DAPK1: variants seen among roughly 807,000 people sequenced by gnomAD.
DAPK1 encodes death associated protein kinase 1, also known as death-associated protein kinase 1.
Under a neutral mutation model 144.9 loss-of-function variants are expected in DAPK1, and 56 were observed. The observed-to-expected ratio is 0.39, with a 90% CI of 0.31 to 0.48. The LOEUF is 0.48. DAPK1 is among the 20% of genes least tolerant of loss of function. The pLI is 0.95. For missense variants in DAPK1, 1,454 were observed against 1,875.4 expected, an observed-to-expected ratio of 0.78 and a Z score of 4.15; for synonymous variants, 690 against 749.0, an observed-to-expected ratio of 0.92 and a Z score of 1.29.
intron 21 of DAPK1, among the ~76,000 whole-genome samples, chr9:87,689,075 C>T (rs1461771219): frequency 6.6e-6 from 1 of 152,078 alleles, no homozygotes; most frequent in African/African-American, 2.4e-5. Context: ...TGAGGTTTTA[C>T]ATTTACAGCT....
intron 3 of DAPK1, chr9:87,633,453 A>G (rs574053667): frequency 5.4e-6 from 5 of 919,084 alleles, no homozygotes; most frequent in South Asian, 1.0e-4. Flanking sequence ...TCTAATGTCT[A>G]ACTGAAGGAC....
chr9:87,615,924 G>A (rs570586440), intron 3 of DAPK1, among the ~76,000 whole-genome samples: 8 of 152,366 alleles, frequency 5.3e-5, no homozygotes, highest in Admixed American at 4.6e-4. Flanking sequence ...ATTCTGCTAA[G>A]CCACTGTAGG....
chr9:87,658,688 G>T (rs1223503685), intron 18 of DAPK1, among the ~76,000 whole-genome samples: 1 of 152,246 alleles, frequency 6.6e-6, no homozygotes, highest in Non-Finnish European at 1.5e-5. Context: ...CCTCCCTGCT[G>T]AGGAAACCCT....
chr9:87,534,261 T>TTG (rs758359418), intron 2 of DAPK1, among the ~76,000 whole-genome samples: 27 of 150,796 alleles, frequency 1.8e-4, no homozygotes, highest in Non-Finnish European at 3.7e-4. Flanking sequence ...TTTTTTTGTT[T>TTG]TTTTTTTTAA....
chr9:87,691,162 T>C (rs540544224), intron 21 of DAPK1, among the ~76,000 whole-genome samples: 209 of 152,080 alleles, frequency 1.4e-3, no homozygotes, highest in Non-Finnish European at 2.6e-3. Context: ...TTAATACCAG[T>C]TCAATCTCAT....
intron 19 of DAPK1, among the ~76,000 whole-genome samples, chr9:87,674,268 G>A (rs1824279069): frequency 6.6e-6 from 1 of 152,110 alleles, no homozygotes. Flanking sequence ...GGAGGCTGAG[G>A]CAGGCAGATC....
chr9:87,702,408 G>A (rs538180270), intron 24 of DAPK1, among the ~76,000 whole-genome samples: 2 of 152,254 alleles, frequency 1.3e-5, no homozygotes, highest in East Asian at 3.9e-4. Context: ...CAGTCCCCAC[G>A]AATGCCTAAT....
Position 87,681,425 on chromosome 9 carries a change from A to G in DAPK1, c.2023A>G (p.Ile675Val), listed in dbSNP as rs994479071. ...LRKDTHRGLFIQQLRPTQNLQ... is the reference protein window; with the variant it reads ...LRKDTHRGLFVQQLRPTQNLQ... ...TCAGGATACGCACCGAGGACTCTTC[A>G]TCCAGCAGCTCCGACCCACACAGAA... is the stretch of plus-strand genomic sequence containing the variant. Residue 675 changes from isoleucine (I) to valine (V), a missense_variant, in exon 20 of 26, where the codon ATC becomes GTC. Coordinates refer to ENST00000408954, the MANE Select transcript of DAPK1 (RefSeq NM_004938.4). 3.7e-6 allele frequency: 6 copies of G among 1,610,878 alleles called. No homozygotes were observed. Among genetic ancestry groups the G allele is most frequent in the Middle Eastern group, 1.7e-4 (1 of 6,048 alleles).
intron 3 of DAPK1, among the ~76,000 whole-genome samples, chr9:87,610,829 G>GA (rs1828895774): frequency 6.6e-6 from 1 of 152,192 alleles, no homozygotes; most frequent in South Asian, 2.1e-4. Flanking sequence ...GTTTTTTCAG[G>GA]AAAAGTCTGT....
chr9:87,599,325 A>G (rs1188574964), intron 2 of DAPK1, among the ~76,000 whole-genome samples: 1 of 152,250 alleles, frequency 6.6e-6, no homozygotes, highest in Non-Finnish European at 1.5e-5. Context: ...GTGATTATTA[A>G]TAAAGAAATA....
intron 2 of DAPK1, among the ~76,000 whole-genome samples, chr9:87,575,235 AT>A (rs1827501231): frequency 1.3e-5 from 1 of 76,794 alleles, no homozygotes; most frequent in Admixed American, 1.6e-4. Flanking sequence ...ATAAAATAAA[AT>A]AAAATAAAAT....
At chr9:87,610,721 G>A (rs748818314) in intron 3 of DAPK1, among the ~76,000 whole-genome samples, 1 of 152,200 alleles carries the variant, frequency 6.6e-6, no homozygotes, top group Non-Finnish European at 1.5e-5. Flanking sequence ...GGAGACTGTG[G>A]CCCACTGGAG....
In DAPK1 at chr9:87,668,615, G is replaced by T. The variant is rs1831141327; in HGVS notation, c.1942G>T (p.Asp648Tyr). 1 of 1,456,932 alleles carries T rather than the reference G, an allele frequency of 6.9e-7. No individual in the cohort carries two copies. The highest frequency in any genetic ancestry group is 1.7e-5 in the Admixed American group (1 of 59,806). The allele number at this position is 1,456,932 out of a possible 1,614,324, so 90.3% of individuals were successfully genotyped here. A position where few individuals can be genotyped will look rare whatever the true frequency, so the allele number is the denominator to read the frequency against. ...ALTTDGKTAE[D>Y]LARSEQHEHV... is the part of the protein sequence containing the mutation. ...CCAACAGGACGGAAAGACGGCAGAA[G>T]ATCTTGCTAGATCGGAACAGCACGA... The change falls in exon 19 of 26, where the codon GAT (aspartate) becomes TAT (tyrosine). Residue 648 changes from aspartate to tyrosine, a missense_variant. Around this residue, in one of 2 missense-constraint regions of DAPK1, gnomAD observed 1,025 missense variants for 1,237.9 expected, o/e 0.83. Coordinates refer to ENST00000408954, the MANE Select transcript of DAPK1 (RefSeq NM_004938.4).
intron 7 of DAPK1, 56 bp from the exon 8 acceptor site, chr9:87,640,242 A>G (rs2119133048): frequency 3.9e-6 from 6 of 1,541,842 alleles, no homozygotes; most frequent in Non-Finnish European, 5.3e-6. Flanking sequence ...TAGGAGCAAA[A>G]TGACAACACC....
intron 2 of DAPK1, among the ~76,000 whole-genome samples, chr9:87,598,970 T>A (rs1014223963): frequency 6.6e-6 from 1 of 152,196 alleles, no homozygotes; most frequent in African/African-American, 2.4e-5. Flanking sequence ...TTAGAACACC[T>A]TGTGAGTCTT....
chr9:87,516,958 C>T (rs544798155), intron 2 of DAPK1, among the ~76,000 whole-genome samples: 1 of 152,234 alleles, frequency 6.6e-6, no homozygotes, highest in South Asian at 2.1e-4. Flanking sequence ...TGTACCATGC[C>T]TAGGGCTGCA....
chr9:87,518,099 GTTGTTGTTTT>G (rs67208903), intron 2 of DAPK1, among the ~76,000 whole-genome samples: 67,090 of 125,494 alleles, frequency 0.53, 18,385 homozygotes, highest in South Asian at 0.74. Context: ...TGCCGTTTAT[GTTGTTGTTTT>G]TTTTTTTTTT....
At chr9:87,657,785 C>T in intron 17 of DAPK1, 1 of 506,888 alleles carries the variant, frequency 2.0e-6, no homozygotes, top group South Asian at 2.1e-5. Context: ...GCCAGCACAG[C>T]AGGAAACTTA....
intron 3 of DAPK1, among the ~76,000 whole-genome samples, chr9:87,619,148 C>G (rs551470434): frequency 6.6e-6 from 1 of 152,284 alleles, no homozygotes; most frequent in African/African-American, 2.4e-5. Flanking sequence ...CATCAAAACC[C>G]AGCTCACATG....
Sources: gnomAD v4.1 joint callset for allele counts (sites outside exome capture counted in the v4.1 genomes callset) on GRCh38, gnomAD v4.1.1 for gene constraint, gnomAD v4.1.1 regional missense constraint, MANE v1.5 for transcripts, NCBI Gene and HGNC (gene_info 2026-07-23, HGNC 2026-07-21) for gene names.